Variants in MYO9A observed in about 807,000 individuals in gnomAD.
MYO9A encodes the protein myosin IXA.
A neutral mutation model predicts 293.3 loss-of-function variants in MYO9A; 103 were observed. That is an observed-to-expected ratio of 0.35 (90% confidence interval 0.30 to 0.41). The LOEUF (loss-of-function observed/expected upper bound fraction) is 0.41, where lower values mean the gene tolerates loss of function less well. Among genes scored for constraint, MYO9A ranks in the 10% least tolerant of loss-of-function variants. The pLI, the probability that MYO9A is intolerant of heterozygous loss-of-function variation, is 1.00. For missense variants in MYO9A, 2,685 were observed against 3,033.0 expected, an observed-to-expected ratio of 0.89 and a Z score of 2.69; for synonymous variants, 1,001 against 1,035.7, an observed-to-expected ratio of 0.97 and a Z score of 0.64.
intron 1 of MYO9A, among the ~76,000 whole-genome samples, chr15:72,111,051 C>A (rs866378219): frequency 6.6e-6 from 1 of 151,486 alleles, no homozygotes; most frequent in South Asian, 2.1e-4. Context: ...CCCAGCTACT[C>A]GGGAGGCTGA....
chr15:72,062,399 C>A (rs776525754), intron 1 of MYO9A, among the ~76,000 whole-genome samples: 1 of 152,132 alleles, frequency 6.6e-6, no homozygotes, highest in Non-Finnish European at 1.5e-5. Flanking sequence ...AGATATGTGA[C>A]CTTTCAGAGA....
intron 2 of MYO9A, chr15:72,041,670 G>A (rs2078229942): frequency 4.7e-6 from 1 of 211,246 alleles, no homozygotes; most frequent in Admixed American, 4.6e-5. Flanking sequence ...CTGGGGAGAT[G>A]GTAGTTTTTC....
intron 39 of MYO9A, chr15:71,847,285 G>C: frequency 3.1e-6 from 1 of 317,990 alleles, no homozygotes; most frequent in South Asian, 2.5e-5. Flanking sequence ...TAATCAAAAA[G>C]TAGAACCTGA....
At chr15:71,952,037 A>G (rs1169410336) in intron 14 of MYO9A, 141 bp from the exon 15 acceptor site, 4 of 830,748 alleles carry the variant, frequency 4.8e-6, no homozygotes, top group Non-Finnish European at 6.7e-6. Context: ...TAGAGGTTAT[A>G]TGTGAATGTC....
At chr15:71,937,778 G>C (rs894364135) in intron 16 of MYO9A, among the ~76,000 whole-genome samples, 2 of 152,062 alleles carry the variant, frequency 1.3e-5, no homozygotes, top group Non-Finnish European at 2.9e-5. Context: ...GTGAAATGAG[G>C]CATATTGCGG....
intron 18 of MYO9A, among the ~76,000 whole-genome samples, chr15:71,930,477 GT>G (rs1381210306): frequency 1.3e-5 from 2 of 152,042 alleles, no homozygotes; most frequent in Non-Finnish European, 2.9e-5. Context: ...CTCATCTACA[GT>G]TTTTGACTTT....
chr15:72,052,588 T>C (rs928155009), intron 1 of MYO9A, among the ~76,000 whole-genome samples: 1 of 152,174 alleles, frequency 6.6e-6, no homozygotes, highest in African/African-American at 2.4e-5. Context: ...AGTCCAGACC[T>C]GGGGGCTCCC....
rs1555456859 is a variant in MYO9A at position 71,826,043 on chromosome 15, T to TAA, written c.*535_*536dup. On this transcript the variant is annotated 3_prime_UTR_variant, in exon 42 of 42. Coordinates refer to ENST00000356056, the MANE Select transcript of MYO9A (RefSeq NM_006901.4). ...TTTTGTTTTTGCTTTCCCCAGAATA[T>TAA]AACATGGAGTGTTTTTTCAGAAATC... 2.2e-5 allele frequency: 3 copies of TAA among 134,824 alleles called. No homozygotes were observed. Among genetic ancestry groups the TAA allele is most frequent in the Non-Finnish European group, 4.8e-5 (3 of 62,850 alleles). 8.4% of individuals were successfully genotyped at this position (134,824 alleles called of 1,614,324 possible).
chr15:72,010,942 A>C (rs1345715421), intron 6 of MYO9A, among the ~76,000 whole-genome samples: 1 of 152,192 alleles, frequency 6.6e-6, no homozygotes. Flanking sequence ...TGAAGAGTGA[A>C]CCCCAGATTT....
intron 34 of MYO9A, chr15:71,858,549 T>G (rs140848066): frequency 6.6e-6 from 1 of 151,922 alleles, no homozygotes; most frequent in African/African-American, 2.4e-5. Flanking sequence ...TAGATGGGAA[T>G]TGAACAATGA....
At chr15:71,873,339 GGTT>G (rs1360932012) in intron 32 of MYO9A, among the ~76,000 whole-genome samples, 1 of 151,980 alleles carries the variant, frequency 6.6e-6, no homozygotes, top group African/African-American at 2.4e-5. Flanking sequence ...AATCTATTTA[GGTT>G]GTTTTCAGTC....
chr15:72,008,474 T>TGTGTGA lies in MYO9A; in HGVS notation c.1254-523_1254-522insTCACAC, dbSNP rs1555403671. ...GTGTGTGTGTGTGTGTGTGTGTGTG[T>TGTGTGA]GAATGGGGTAAATGGGTGTGTGTGT... On this transcript the variant is annotated intron_variant, in intron 7 of 41. Transcript: ENST00000356056. 1.0e-4 allele frequency among the ~76,000 whole-genome samples: 15 copies of TGTGTGA among 144,628 alleles called. No homozygotes were observed. In the East Asian group the frequency reaches 1.8e-3, roughly 18 times the overall value. The allele number at this position is 144,628 out of a possible 152,430, so 94.9% of individuals were successfully genotyped here. A position where few individuals can be genotyped will look rare whatever the true frequency, so the allele number is the denominator to read the frequency against.
At chr15:72,021,112 G>T in intron 4 of MYO9A, 95 bp from the exon 5 acceptor site, 1 of 708,046 alleles carries the variant, frequency 1.4e-6, no homozygotes, top group Non-Finnish European at 2.3e-6. Flanking sequence ...TTAGTAAAAT[G>T]TATCAGCTTT....
intron 1 of MYO9A, among the ~76,000 whole-genome samples, chr15:72,050,943 T>A (rs1161217569): frequency 6.6e-6 from 1 of 152,218 alleles, no homozygotes; most frequent in African/African-American, 2.4e-5. Flanking sequence ...TTCTTGAAAG[T>A]GTACTCACAT....
intron 11 of MYO9A, among the ~76,000 whole-genome samples, chr15:71,980,843 C>CA (rs1296530648): frequency 6.6e-6 from 1 of 152,030 alleles, no homozygotes; most frequent in Non-Finnish European, 1.5e-5. Context: ...GTCTTAAAAA[C>CA]AAAAAACAAA....
intron 32 of MYO9A, among the ~76,000 whole-genome samples, chr15:71,863,326 T>C (rs937964126): frequency 6.6e-6 from 1 of 152,120 alleles, no homozygotes; most frequent in Non-Finnish European, 1.5e-5. Context: ...GTTATACCTG[T>C]TAATATTTAC....
chr15:71,935,237 A>G (rs2058604560), intron 17 of MYO9A, 104 bp downstream of exon 17: 1 of 1,242,510 alleles, frequency 8.0e-7, no homozygotes, highest in Non-Finnish European at 1.1e-6. Context: ...TCCCATGAAA[A>G]TAACATTTCA....
intron 1 of MYO9A, among the ~76,000 whole-genome samples, chr15:72,048,095 T>C (rs986095928): frequency 6.6e-6 from 1 of 151,808 alleles, no homozygotes; most frequent in Non-Finnish European, 1.5e-5. Flanking sequence ...ATACAAAACA[T>C]ATAAAAAAAA....
At chr15:72,039,585 C>CT (rs767321915) in intron 2 of MYO9A, among the ~76,000 whole-genome samples, 10 of 152,092 alleles carry the variant, frequency 6.6e-5, no homozygotes, top group Admixed American at 1.3e-4. Flanking sequence ...AATCCTAGCA[C>CT]TTTAAGAGGC....
Sources: allele counts gnomAD v4.1 joint callset (sites outside exome capture counted in the v4.1 genomes callset), GRCh38; gene constraint gnomAD v4.1.1; transcripts MANE v1.5; gene names NCBI Gene and HGNC (gene_info 2026-07-23, HGNC 2026-07-21).